The following LRRC37A2 variants were observed in gnomAD, a reference collection of about 807,000 sequenced individuals.
The protein encoded by LRRC37A2 is leucine rich repeat containing 37 member A2.
In LRRC37A2, 9 loss-of-function variants were observed where a neutral mutation model predicts 68.8. That is an observed-to-expected ratio of 0.13 (90% confidence interval 0.08 to 0.23). LRRC37A2 has a LOEUF of 0.23. Ranked by LOEUF, LRRC37A2 falls within the 10% of genes least tolerant of loss-of-function variation. LRRC37A2 has a pLI of 1.00. For missense variants in LRRC37A2, 168 were observed against 950.4 expected, an observed-to-expected ratio of 0.18 and a Z score of 10.82; for synonymous variants, 63 against 367.6, an observed-to-expected ratio of 0.17 and a Z score of 9.48.
the LRRC37A2 span, among the ~76,000 whole-genome samples, chr17:46,792,538 G>A: frequency 7.2e-5 from 11 of 152,020 alleles, no homozygotes; most frequent in Non-Finnish European, 1.5e-4. Context: ...CAATGGTGCC[G>A]TGTTGGTTTA....
the LRRC37A2 span, among the ~76,000 whole-genome samples, chr17:46,866,982 C>A: frequency 6.6e-6 from 1 of 152,228 alleles, no homozygotes; most frequent in South Asian, 2.1e-4. Context: ...CTCCTCACCC[C>A]CAGGCCTCCT....
chr17:46,687,506 A>T, the LRRC37A2 span, among the ~76,000 whole-genome samples: 1 of 144,456 alleles, frequency 6.9e-6, no homozygotes, highest in Admixed American at 6.9e-5. Context: ...ACATGCAAGC[A>T]ATAATCAAAT....
chr17:46,728,787 A>G, the LRRC37A2 span: 4 of 1,177,936 alleles, frequency 3.4e-6, no homozygotes, highest in Non-Finnish European at 4.8e-6. Context: ...AAAAAAAAAC[A>G]AAAACTGAAT....
At chr17:46,835,917 T>C in the LRRC37A2 span, among the ~76,000 whole-genome samples, 1 of 152,216 alleles carries the variant, frequency 6.6e-6, no homozygotes, top group East Asian at 1.9e-4. Flanking sequence ...CCCTTCTCTC[T>C]GGGACAGGAC....
chr17:46,444,487 C>T, the LRRC37A2 span, among the ~76,000 whole-genome samples: 1 of 99,564 alleles, frequency 1.0e-5, no homozygotes, highest in African/African-American at 4.2e-5. Context: ...CCAGGCTGGT[C>T]TCGAACTCCT....
chr17:46,975,993 C>G, the LRRC37A2 span, among the ~76,000 whole-genome samples: 1 of 152,034 alleles, frequency 6.6e-6, no homozygotes, highest in Non-Finnish European at 1.5e-5. Context: ...GTAGCGTAAT[C>G]TCGGCTCACT....
chr17:46,924,194 TTAA>T, the LRRC37A2 span: 3 of 232,236 alleles, frequency 1.3e-5, no homozygotes, highest in Non-Finnish European at 2.5e-5. Context: ...TTCTAGATAC[TTAA>T]TATAAGTGGA....
the LRRC37A2 span, among the ~76,000 whole-genome samples, chr17:46,996,982 A>G: frequency 4.8e-4 from 73 of 152,342 alleles, no homozygotes; most frequent in African/African-American, 1.7e-3. Context: ...AGGTCATGGA[A>G]TAGTTAACGA....
chr17:46,849,532 C>T, the LRRC37A2 span, among the ~76,000 whole-genome samples: 1 of 152,210 alleles, frequency 6.6e-6, no homozygotes, highest in East Asian at 1.9e-4. Flanking sequence ...TGGTCCAGCT[C>T]AGGCCCCTCA....
chr17:47,000,068 A>AT, the LRRC37A2 span, among the ~76,000 whole-genome samples: 5 of 13,180 alleles, frequency 3.8e-4, no homozygotes, highest in African/African-American at 7.2e-4. Flanking sequence ...TAAAATTAAA[A>AT]TAAAATAAAA....
chr17:46,942,543 C>A, the LRRC37A2 span, among the ~76,000 whole-genome samples: 5 of 152,176 alleles, frequency 3.3e-5, no homozygotes, highest in Non-Finnish European at 7.4e-5. Flanking sequence ...GAGAGGTGTG[C>A]AGGGGACTGA....
the LRRC37A2 span, among the ~76,000 whole-genome samples, chr17:46,974,432 G>T: frequency 6.6e-6 from 1 of 152,190 alleles, no homozygotes. Context: ...ATGTGTTGTG[G>T]GGAGCAAAGG....
chr17:46,437,820 G>A, the LRRC37A2 span, among the ~76,000 whole-genome samples: 20 of 96,326 alleles, frequency 2.1e-4, 3 homozygotes, highest in Admixed American at 1.1e-3. Context: ...TTAGTATATT[G>A]CTAATCCACA....
At chr17:46,729,067 G>A in the LRRC37A2 span, 47 of 570,440 alleles carry the variant, frequency 8.2e-5, no homozygotes, top group Admixed American at 5.2e-4. Context: ...TTGAAAGGTC[G>A]TCCAGTCTTG....
the LRRC37A2 span, among the ~76,000 whole-genome samples, chr17:46,956,385 G>T: frequency 1.3e-4 from 19 of 145,896 alleles, no homozygotes; most frequent in African/African-American, 4.6e-4. Flanking sequence ...CCACCTCCCG[G>T]GTTCAAGCGA....
At chr17:46,978,663 G>T in the LRRC37A2 span, 1 of 1,607,954 alleles carries the variant, frequency 6.2e-7, no homozygotes, top group Non-Finnish European at 8.5e-7. Context: ...GCCCCAGGAT[G>T]GCTGCGCCCA....
At chr17:46,532,889 C>T (rs1299854571) in intron 6 of LRRC37A2, among the ~76,000 whole-genome samples, 1 of 148,316 alleles carries the variant, frequency 6.7e-6, no homozygotes, top group Non-Finnish European at 1.5e-5. Flanking sequence ...TTGCTTGACC[C>T]CAGGAGTTCG....
Position 46,548,698 on chromosome 17 carries a change from AT to A in LRRC37A2, c.3560del (p.Ile1187ThrfsTer40), listed in dbSNP as rs2056455659. On this transcript the variant is annotated frameshift_variant, in exon 10 of 15. Coordinates refer to ENST00000576629, the Ensembl canonical transcript of LRRC37A2. LOFTEE classifies it high-confidence loss of function. ...CTTCAAAGAGGTAGGAAGGCAGAGC[AT>A]CAGGAGGGAACAGGGTGCCCAGGCA... is the stretch of plus-strand genomic sequence containing the variant. The A allele has an allele frequency of 6.2e-7, 1 of 1,609,090 alleles. No homozygotes were observed. The highest frequency in any genetic ancestry group is 8.5e-7 in the Non-Finnish European group (1 of 1,179,836).
chr17:46,458,531 CTTT>C, the LRRC37A2 span, among the ~76,000 whole-genome samples: 4 of 39,936 alleles, frequency 1.0e-4, no homozygotes, highest in East Asian at 4.5e-4. Flanking sequence ...TCTTCTTCTT[CTTT>C]TTTTTTTTTT....
Sources: gnomAD v4.1 joint callset for allele counts (sites outside exome capture counted in the v4.1 genomes callset) on GRCh38, gnomAD v4.1.1 for gene constraint, MANE v1.5 for transcripts, NCBI Gene and HGNC (gene_info 2026-07-23, HGNC 2026-07-21) for gene names.